ROR2: variants seen among roughly 807,000 people sequenced by gnomAD.
The protein encoded by ROR2 is tyrosine-protein kinase transmembrane receptor ROR2.
In ROR2, 33 loss-of-function variants were observed where a neutral mutation model predicts 74.9. The ratio of observed to expected loss-of-function variants is 0.44; its 90% CI spans 0.33 to 0.59. The LOEUF (loss-of-function observed/expected upper bound fraction) is 0.59. Among genes scored for constraint, ROR2 ranks in the 20% least tolerant of loss-of-function variants. The pLI is 0.02. For synonymous variants in ROR2, 586 were observed against 558.7 expected, an observed-to-expected ratio of 1.05 and a Z score of -0.69; for missense variants, 1,216 against 1,313.8, an observed-to-expected ratio of 0.93 and a Z score of 1.15.
At chr9:91,825,185 C>A (rs147942549) in intron 1 of ROR2, among the ~76,000 whole-genome samples, 1 of 152,194 alleles carries the variant, frequency 6.6e-6, no homozygotes, top group Non-Finnish European at 1.5e-5. Flanking sequence ...TCCCAGGATA[C>A]GTAAGAAAGC....
chr9:91,886,759 G>A (rs970895434), intron 1 of ROR2: 8 of 152,264 alleles, frequency 5.3e-5, no homozygotes, highest in Non-Finnish European at 8.8e-5. Context: ...GCAGGACTCA[G>A]GGGTGCTTTG....
chr9:91,813,682 C>T lies in ROR2; in HGVS notation c.98-37864G>A, dbSNP rs184825579. Among the ~76,000 whole-genome samples the T allele has an allele frequency of 4.1e-3, 625 of 152,298 alleles. 1 individual carries two copies. Among genetic ancestry groups the T allele is most frequent in the Middle Eastern group, 0.01 (3 of 294 alleles). ...AGCTTCTGGAAGATTCCAGCGTGTC[C>T]CATTTCCTCAGCTGCGCTTTGCCAC... On this transcript the variant is annotated intron_variant, in intron 1 of 8. Coordinates refer to ENST00000375708, the MANE Select transcript of ROR2 (RefSeq NM_004560.4).
intron 1 of ROR2, among the ~76,000 whole-genome samples, chr9:91,911,616 A>G (rs1176739067): frequency 6.6e-6 from 1 of 152,186 alleles, no homozygotes; most frequent in East Asian, 1.9e-4. Context: ...GAGATGGTGA[A>G]ATACAAAGCC....
At chr9:91,933,017 G>C (rs1489899187) in intron 1 of ROR2, among the ~76,000 whole-genome samples, 1 of 152,108 alleles carries the variant, frequency 6.6e-6, no homozygotes, top group Non-Finnish European at 1.5e-5. Context: ...TTTAAACATA[G>C]GCCAAGCACA....
At chr9:91,874,803 C>T (rs1159016371) in intron 1 of ROR2, among the ~76,000 whole-genome samples, 5 of 152,030 alleles carry the variant, frequency 3.3e-5, no homozygotes, top group Non-Finnish European at 7.4e-5. Flanking sequence ...GGCATGGTGG[C>T]GAATGCCTGT....
intron 1 of ROR2, among the ~76,000 whole-genome samples, chr9:91,892,399 T>C (rs1830442216): frequency 6.6e-6 from 1 of 152,144 alleles, no homozygotes; most frequent in Non-Finnish European, 1.5e-5. Context: ...GGCAAGTCCC[T>C]TACCCCGCCC....
In ROR2 at chr9:91,724,321, T is replaced by C; in HGVS notation, c.2173A>G (p.Met725Val). Residue 725 changes from methionine (M) to valine (V), a missense_variant, in exon 9 of 9, where the codon ATG (methionine) becomes GTG (valine). By Grantham distance (21) the Met-to-Val change is conservative (BLOSUM62 1). Transcript: ENST00000375708. Reference protein sequence around the residue: ...DDCPAWVYALMIECWNEFPSR... With the variant: ...DDCPAWVYALVIECWNEFPSR... Reference sequence around the variant, plus strand: ...GGGAACTCGTTCCAGCACTCGATCATGAGGGCATACACCCAGGCGGGACAG... The same window carrying C: ...GGGAACTCGTTCCAGCACTCGATCACGAGGGCATACACCCAGGCGGGACAG... The C allele has an allele frequency of 6.2e-7, 1 of 1,613,284 alleles. No homozygotes were observed. Among genetic ancestry groups the C allele is most frequent in the East Asian group, 2.2e-5 (1 of 44,870 alleles).
At chr9:91,828,837 C>T (rs905316834) in intron 1 of ROR2, among the ~76,000 whole-genome samples, 7 of 152,216 alleles carry the variant, frequency 4.6e-5, no homozygotes, top group Admixed American at 6.5e-5. Context: ...GCTGAGCAAC[C>T]TCATACAAGG....
intron 1 of ROR2, among the ~76,000 whole-genome samples, chr9:91,787,285 T>C (rs1400443620): frequency 1.3e-5 from 2 of 151,880 alleles, no homozygotes; most frequent in African/African-American, 4.8e-5. Flanking sequence ...CTGAGGTGGG[T>C]GGATCACTTG....
chr9:91,844,457 T>C (rs569191061), intron 1 of ROR2, among the ~76,000 whole-genome samples: 3 of 152,314 alleles, frequency 2.0e-5, no homozygotes, highest in African/African-American at 7.2e-5. Context: ...ACGCAGGCTG[T>C]GGTTTTACTT....
intron 1 of ROR2, among the ~76,000 whole-genome samples, chr9:91,805,431 C>A (rs958585045): frequency 6.6e-6 from 1 of 152,220 alleles, no homozygotes; most frequent in Non-Finnish European, 1.5e-5. Context: ...CAGCCCCTCT[C>A]CTTCCATTAG....
intron 1 of ROR2, among the ~76,000 whole-genome samples, chr9:91,846,832 A>G (rs937280790): frequency 6.6e-6 from 1 of 152,160 alleles, no homozygotes; most frequent in African/African-American, 2.4e-5. Context: ...CTTTTCAGGT[A>G]CCACTCCGTT....
At position 91,775,651 on chromosome 9, in the gene ROR2, A is replaced by C. The variant is rs901065461; in HGVS notation, c.175+90T>G. The C allele has an allele frequency of 3.2e-6, 4 of 1,237,994 alleles. No individual in the cohort carries two copies. The African/African-American group carries it at 5.9e-5, about 18-fold the overall frequency. The allele number at this position is 1,237,994 out of a possible 1,614,324, so 76.7% of individuals were successfully genotyped here. A position where few individuals can be genotyped will look rare whatever the true frequency, so the allele number is the denominator to read the frequency against. On this transcript the variant is annotated intron_variant, in intron 2 of 8. Transcript: ENST00000375708. ...GGCACCAAGGGGCCAGAGGACCCCC[A>C]GCGCCTTCCTTCAGGCAATGGCAGT...
chr9:91,896,258 G>A (rs144468413), intron 1 of ROR2, among the ~76,000 whole-genome samples: 3 of 152,268 alleles, frequency 2.0e-5, no homozygotes, highest in Admixed American at 6.5e-5. Flanking sequence ...TGCCAGTGCC[G>A]CTCCACTGGG....
At chr9:91,800,006 T>C (rs765336992) in intron 1 of ROR2, among the ~76,000 whole-genome samples, 3 of 152,198 alleles carry the variant, frequency 2.0e-5, no homozygotes, top group Non-Finnish European at 2.9e-5. Context: ...TTTTTGTGAC[T>C]TTTGGACATT....
At chr9:91,900,487 GGGCC>G (rs1830648941) in intron 1 of ROR2, among the ~76,000 whole-genome samples, 1 of 152,246 alleles carries the variant, frequency 6.6e-6, no homozygotes, top group Non-Finnish European at 1.5e-5. Flanking sequence ...CGAGGGCGCC[GGGCC>G]TGCACGTGGG....
intron 1 of ROR2, among the ~76,000 whole-genome samples, chr9:91,896,447 T>C (rs1277317072): frequency 2.6e-5 from 4 of 152,252 alleles, no homozygotes; most frequent in Non-Finnish European, 4.4e-5. Context: ...TTCCAGGTTT[T>C]TCCTTCGGCT....
chr9:91,735,606 C>CTTTTT lies in ROR2; in HGVS notation c.622+1780_622+1784dup, dbSNP rs35146225. Among the ~76,000 whole-genome samples, 31 of 79,010 alleles carry CTTTTT rather than the reference C, an allele frequency of 3.9e-4. 3 individuals are homozygous for CTTTTT. The highest frequency in any genetic ancestry group is 1.0e-3 in the South Asian group (2 of 1,948). The allele number at this position is 79,010 out of a possible 152,430, so 51.8% of individuals were successfully genotyped here. A position where few individuals can be genotyped will look rare whatever the true frequency, so the allele number is the denominator to read the frequency against. On this transcript the variant is annotated intron_variant, in intron 5 of 8. Coordinates refer to ENST00000375708, the MANE Select transcript of ROR2 (RefSeq NM_004560.4). ...GCACGGTTCCTACTAAGGGCTCTAA[C>CTTTTT]TTTTTTTTTTTTTTTTTTTTTTTTT...
At chr9:91,762,838 T>C (rs559309611) in intron 2 of ROR2, among the ~76,000 whole-genome samples, 4 of 152,336 alleles carry the variant, frequency 2.6e-5, no homozygotes, top group East Asian at 1.9e-4. Flanking sequence ...CATTTCCCAG[T>C]TGAAGGACTG....
Sources: gnomAD v4.1 joint callset for allele counts (sites outside exome capture counted in the v4.1 genomes callset) on GRCh38, gnomAD v4.1.1 for gene constraint, MANE v1.5 for transcripts, NCBI Gene and HGNC (gene_info 2026-07-23, HGNC 2026-07-21) for gene names.